Variants in RUVBL2 observed in about 807,000 individuals in gnomAD.
RUVBL2 encodes the protein ruvB-like 2.
RUVBL2 carries 9 observed loss-of-function variants against 57.9 expected under a neutral mutation model. The observed-to-expected ratio is 0.16, with a 90% CI of 0.09 to 0.27. RUVBL2 has a LOEUF of 0.27. Ranked by LOEUF, RUVBL2 falls within the 10% of genes least tolerant of loss-of-function variation. RUVBL2 has a pLI of 1.00. For synonymous variants in RUVBL2, 278 were observed against 264.6 expected, an observed-to-expected ratio of 1.05 and a Z score of -0.49; for missense variants, 456 against 669.6, an observed-to-expected ratio of 0.68 and a Z score of 3.52.
In RUVBL2 at chr19:49,009,988, C is replaced by T. The variant is rs200114612; in HGVS notation, c.585C>T (p.Ile195=). 1.1e-3 allele frequency: 1,710 copies of T among 1,592,240 alleles called. 1 individual carries two copies. The highest frequency in any genetic ancestry group is 1.4e-3 in the Non-Finnish European group (1,581 of 1,166,834). ...CCCCCTGTAGGGACGTGATCACCATCGACAAGGCGACGGGCAAGATCTCCA... is the reference window on the plus strand; with the variant it reads ...CCCCCTGTAGGGACGTGATCACCATTGACAAGGCGACGGGCAAGATCTCCA... ...DKVQAGDVIT[I]DKATGKISKL... is the part of the protein sequence containing the mutation. Residue 195 remains isoleucine (I), a synonymous_variant, in exon 8 of 15, where the codon ATC becomes ATT. Coordinates refer to ENST00000595090, the MANE Select transcript of RUVBL2 (RefSeq NM_006666.3).
intron 4 of RUVBL2, among the ~76,000 whole-genome samples, chr19:49,005,070 C>T (rs554325976): frequency 3.9e-5 from 6 of 152,080 alleles, no homozygotes; most frequent in South Asian, 2.1e-4. Context: ...TGTTGCAGTC[C>T]GCTAGTGGTT....
intron 6 of RUVBL2, among the ~76,000 whole-genome samples, chr19:49,008,616 T>C (rs1600186415): frequency 6.6e-6 from 1 of 151,080 alleles, no homozygotes; most frequent in African/African-American, 2.4e-5. Context: ...GAGGCTGAGG[T>C]GGGCGATCAC....
intron 11 of RUVBL2, among the ~76,000 whole-genome samples, chr19:49,013,493 T>TGACGGC (rs2039477334): frequency 6.6e-6 from 1 of 152,062 alleles, no homozygotes; most frequent in African/African-American, 2.4e-5. Flanking sequence ...AAGGAGGCTG[T>TGACGGC]GAAGCCTGAC....
intron 6 of RUVBL2, among the ~76,000 whole-genome samples, chr19:49,008,555 T>C (rs1218421439): frequency 1.3e-5 from 2 of 151,124 alleles, no homozygotes; most frequent in East Asian, 2.0e-4. Flanking sequence ...AAGAGCTTTA[T>C]TGAGTTTTGG....
chr19:49,015,754 G>T lies in RUVBL2; in HGVS notation c.1367-63G>T, dbSNP rs531145535. ...CAGAGGGAGGAAGAGGGAGCTCGGC[G>T]TAGAAGGCTCAGGCCCTGCCACCTG... On this transcript the variant is annotated intron_variant, in intron 14 of 14. Coordinates refer to ENST00000595090, the MANE Select transcript of RUVBL2 (RefSeq NM_006666.3). The T allele has an allele frequency of 3.7e-6, 6 of 1,612,316 alleles. No homozygotes were observed. In the Admixed American group the frequency reaches 8.3e-5, roughly 22 times the overall value.
At chr19:48,993,570 G>A (rs961319311), upstream of RUVBL2, 11 of 485,760 alleles carry the variant, frequency 2.3e-5, no homozygotes, top group African/African-American at 9.8e-5. Flanking sequence ...TGGGGAGGAG[G>A]AGGAGGGTGG....
At chr19:49,010,241 T>G in intron 8 of RUVBL2, 175 bp downstream of exon 8, 1 of 720,352 alleles carries the variant, frequency 1.4e-6, no homozygotes, top group Non-Finnish European at 2.3e-6. Context: ...CCTGGCACTA[T>G]AGCTTCGCAT....
At chr19:49,010,288 G>A (rs1033601837) in intron 8 of RUVBL2, 200 bp from the exon 9 acceptor site, 6 of 680,980 alleles carry the variant, frequency 8.8e-6, no homozygotes, top group African/African-American at 7.2e-5. Flanking sequence ...GGTCCTCCGG[G>A]AGCCCCCGTG....
intron 5 of RUVBL2, 53 bp downstream of exon 5, chr19:49,007,200 C>G (rs967227072): frequency 1.9e-6 from 3 of 1,609,578 alleles, no homozygotes. Flanking sequence ...GGAGCAACCC[C>G]GCACCCCGGG....
chr19:48,998,327 G>C (rs1207416447), intron 1 of RUVBL2, among the ~76,000 whole-genome samples: 2 of 152,156 alleles, frequency 1.3e-5, no homozygotes, highest in Non-Finnish European at 2.9e-5. Flanking sequence ...AAATTAGCAG[G>C]GGCCAGAGCA....
At chr19:49,006,413 CA>C (rs1324799938) in intron 4 of RUVBL2, among the ~76,000 whole-genome samples, 5 of 152,240 alleles carry the variant, frequency 3.3e-5, no homozygotes, top group African/African-American at 1.2e-4. Flanking sequence ...TCAGGCTGCG[CA>C]ACCGTGTTAC....
chr19:48,993,740 C>A, upstream of RUVBL2: 1 of 795,392 alleles, frequency 1.3e-6, no homozygotes, highest in South Asian at 1.6e-5. Flanking sequence ...CGTCTTCCAG[C>A]GCAGCCTCGG....
rs760953084 is a variant in RUVBL2 at position 49,013,033 on chromosome 19, G to A, written c.1002-1451G>A. ...GGCTGGAGTGCAGTGGCACGATCTC[G>A]GCTCACTGCAACCTCTGCCTTCTGG... On this transcript the variant is annotated intron_variant, in intron 11 of 14. Transcript: ENST00000595090. Among the ~76,000 whole-genome samples the A allele has an allele frequency of 9.2e-4, 140 of 152,304 alleles. 1 individual carries two copies. The highest frequency in any genetic ancestry group is 2.8e-4 in the Non-Finnish European group (19 of 68,034).
At position 49,005,004 on chromosome 19, in the gene RUVBL2, T is replaced by C. The variant is rs58990416; in HGVS notation, c.265+586T>C. 4.3e-4 allele frequency among the ~76,000 whole-genome samples: 64 copies of C among 148,580 alleles called. 1 individual carries two copies. The East Asian group carries it at 0.012, about 28-fold the overall frequency. On this transcript the variant is annotated intron_variant, in intron 4 of 14. Transcript: ENST00000595090. ...AAAAAAACAGGAAAGAAAATGAGGG[T>C]TCTAGAACTAAGGAAGAAGGGGAAG...
intron 2 of RUVBL2, among the ~76,000 whole-genome samples, chr19:49,002,828 G>T (rs948296009): frequency 1.3e-5 from 2 of 152,014 alleles, no homozygotes; most frequent in African/African-American, 2.4e-5. Flanking sequence ...CCAGTGATCC[G>T]CCCGCCTCGG....
intron 2 of RUVBL2, 105 bp downstream of exon 2, chr19:48,999,478 C>T (rs1032692202): frequency 2.6e-6 from 3 of 1,151,380 alleles, no homozygotes; most frequent in Non-Finnish European, 3.9e-6. Flanking sequence ...GTGGCCTGCA[C>T]ACCAACTGTG....
Position 49,015,173 on chromosome 19 carries a change from C to A in RUVBL2, c.1251+23C>A, listed in dbSNP as rs375882516. Reference sequence around the variant, plus strand: ...AAGGTCAGCCGGCCGAATTAGCCAGCAGGGCCAGATGGCGGCAGTGAGTGA... The same window carrying A: ...AAGGTCAGCCGGCCGAATTAGCCAGAAGGGCCAGATGGCGGCAGTGAGTGA... On this transcript the variant is annotated intron_variant, in intron 13 of 14. Transcript: ENST00000595090. The A allele has an allele frequency of 8.4e-5, 135 of 1,599,944 alleles. No homozygotes were observed. The African/African-American group carries it at 1.6e-3, about 19-fold the overall frequency.
Position 49,004,972 on chromosome 19 carries a change from T to TAA in RUVBL2, c.265+566_265+567dup, listed in dbSNP as rs960387496. Among the ~76,000 whole-genome samples the TAA allele has an allele frequency of 2.0e-4, 28 of 140,074 alleles. 1 individual carries two copies. The highest frequency in any genetic ancestry group is 5.2e-4 in the African/African-American group (20 of 38,486). The allele number at this position is 140,074 out of a possible 152,430, so 91.9% of individuals were successfully genotyped here. A position where few individuals can be genotyped will look rare whatever the true frequency, so the allele number is the denominator to read the frequency against. ...AAAGGTTGTTGTAAAAATAAAAAATTAAAAAAAAAAAAACAGGAAAGAAAA... is the reference window on the plus strand; with the variant it reads ...AAAGGTTGTTGTAAAAATAAAAAATTAAAAAAAAAAAAAAACAGGAAAGAAAA... On this transcript the variant is annotated intron_variant, in intron 4 of 14. Transcript: ENST00000595090.
At chr19:49,005,160 T>C (rs1255609751) in intron 4 of RUVBL2, among the ~76,000 whole-genome samples, 1 of 152,210 alleles carries the variant, frequency 6.6e-6, no homozygotes, top group Non-Finnish European at 1.5e-5. Flanking sequence ...CTTCAGCATC[T>C]CTGCCCCATT....
Sources: gnomAD v4.1 joint callset for allele counts (sites outside exome capture counted in the v4.1 genomes callset) on GRCh38, gnomAD v4.1.1 for gene constraint, MANE v1.5 for transcripts, NCBI Gene and HGNC (gene_info 2026-07-23, HGNC 2026-07-21) for gene names.